HPCAL1: variants seen among roughly 807,000 people sequenced by gnomAD.
HPCAL1 encodes hippocalcin like 1.
A neutral mutation model predicts 17.1 loss-of-function variants in HPCAL1; 8 were observed. The ratio of observed to expected loss-of-function variants is 0.47; its 90% confidence interval spans 0.27 to 0.84. The LOEUF is 0.84. Ranked by LOEUF, HPCAL1 falls within the 40% of genes least tolerant of loss-of-function variation. HPCAL1 has a pLI of 0.13. For missense variants in HPCAL1, 165 were observed against 271.1 expected (o/e 0.61, Z 2.75); for synonymous variants, 112 against 111.4 (o/e 1.01, Z -0.03).
At chr2:10,406,111 G>A (rs775088391) in intron 2 of HPCAL1, among the ~76,000 whole-genome samples, 2 of 152,128 alleles carry the variant, frequency 1.3e-5, no homozygotes, top group Admixed American at 6.5e-5. Context: ...GTCATGCTCC[G>A]CGCTAATTCC....
chr2:10,320,482 G>T (rs187894040), intron 1 of HPCAL1, among the ~76,000 whole-genome samples: 303 of 152,280 alleles, frequency 2.0e-3, no homozygotes, highest in Non-Finnish European at 3.6e-3. Context: ...TGTCCCTTCT[G>T]ACGTGATTGT....
chr2:10,410,805 TGGCTTTCTGTCTCTGCAGAAA>T (rs1184419649), intron 2 of HPCAL1, among the ~76,000 whole-genome samples: 14 of 152,118 alleles, frequency 9.2e-5, no homozygotes, highest in Non-Finnish European at 2.1e-4. Flanking sequence ...ACGTGAGTGG[TGGCTTTCTGTCTCTGCAGAAA>T]GGCTTGCTTT....
chr2:10,410,085 C>T (rs548499757), intron 2 of HPCAL1, among the ~76,000 whole-genome samples: 3 of 152,138 alleles, frequency 2.0e-5, no homozygotes, highest in Non-Finnish European at 2.9e-5. Flanking sequence ...CACGGCGCCC[C>T]GGCCAGCCTG....
chr2:10,400,278 C>A lies in HPCAL1; in HGVS notation c.-25+3358C>A, dbSNP rs147508061. On this transcript the variant is annotated intron_variant, in intron 2 of 4. Coordinates refer to ENST00000307845, the MANE Select transcript of HPCAL1 (RefSeq NM_002149.4). ...CCCCGACCGCTGAGGAAGACAGGTG[C>A]GAGCAGCATCTCGGCACAGCCAGAC... Among the ~76,000 whole-genome samples, 352 of 152,302 alleles carry A rather than the reference C, an allele frequency of 2.3e-3. 1 individual carries two copies. Among genetic ancestry groups the A allele is most frequent in the African/African-American group, 7.9e-3 (327 of 41,560 alleles).
In HPCAL1 at chr2:10,362,319, C is replaced by T. The variant is rs763346815; in HGVS notation, c.-110-34516C>T. ...AGTCCTGGAGTGGCAGCATGGGGGG[C>T]GGGGGCAGGAGCATGGGGGACAACA... On this transcript the variant is annotated intron_variant, in intron 1 of 4. Transcript: ENST00000307845. This position sits in a 1 kb window ranked among gnomAD's most constrained non-coding sequence, Gnocchi z 5.0. 5.4e-5 allele frequency among the ~76,000 whole-genome samples: 8 copies of T among 149,448 alleles called. No homozygotes were observed. The highest frequency in any genetic ancestry group is 2.7e-4 in the Admixed American group (4 of 14,964).
At chr2:10,381,704 G>T (rs1045524533) in intron 1 of HPCAL1, among the ~76,000 whole-genome samples, 1 of 152,188 alleles carries the variant, frequency 6.6e-6, no homozygotes, top group Non-Finnish European at 1.5e-5. Flanking sequence ...ACAAATGGCT[G>T]TCAGGGAATT....
chr2:10,351,248 T>C (rs1259115084), intron 1 of HPCAL1, among the ~76,000 whole-genome samples: 3 of 152,252 alleles, frequency 2.0e-5, no homozygotes, highest in Admixed American at 6.5e-5. Context: ...TTGAGATTCA[T>C]GCTACAACAT....
intron 3 of HPCAL1, 91 bp from the exon 4 acceptor site, chr2:10,422,892 G>T: frequency 2.3e-6 from 2 of 869,770 alleles, no homozygotes; most frequent in South Asian, 1.5e-5. Flanking sequence ...ACCTCTCCGA[G>T]CCTTGTTGTG....
At chr2:10,340,952 C>T (rs1665041578) in intron 1 of HPCAL1, among the ~76,000 whole-genome samples, 1 of 152,092 alleles carries the variant, frequency 6.6e-6, no homozygotes, top group African/African-American at 2.4e-5. Context: ...CACTTTTTTC[C>T]CTTCCTCATA....
chr2:10,420,459 G>A (rs1009302360), intron 3 of HPCAL1, among the ~76,000 whole-genome samples: 14 of 152,052 alleles, frequency 9.2e-5, no homozygotes, highest in African/African-American at 2.9e-4. Context: ...GCCTCCCAGA[G>A]TGCTAGAATG....
Position 10,342,808 on chromosome 2 carries a change from G to A in HPCAL1, c.-111+39631G>A, listed in dbSNP as rs1267772433. Reference sequence around the variant, plus strand: ...AGTAGCTACGCAGGATGCTCTGGCCGGCCTCTGAGGATTCTCTTCTTCTGT... The same window carrying A: ...AGTAGCTACGCAGGATGCTCTGGCCAGCCTCTGAGGATTCTCTTCTTCTGT... On this transcript the variant is annotated intron_variant, in intron 1 of 4. Transcript: ENST00000307845. The surrounding 1 kb of genome is among the most constrained non-coding windows in gnomAD (Gnocchi z 4.1). Among the ~76,000 whole-genome samples, 2 of 152,176 alleles carry A rather than the reference G, an allele frequency of 1.3e-5. No individual in the cohort carries two copies. The highest frequency in any genetic ancestry group is 2.4e-5 in the African/African-American group (1 of 41,454).
At chr2:10,338,547 C>T (rs1237679717) in intron 1 of HPCAL1, among the ~76,000 whole-genome samples, 4 of 152,062 alleles carry the variant, frequency 2.6e-5, no homozygotes, top group South Asian at 2.1e-4. Flanking sequence ...GCAGGTGTCA[C>T]GGAGCGGGAC....
At chr2:10,357,424 G>C (rs1666225112) in intron 1 of HPCAL1, among the ~76,000 whole-genome samples, 1 of 152,222 alleles carries the variant, frequency 6.6e-6, no homozygotes, top group Non-Finnish European at 1.5e-5. Context: ...TGCTGATGTG[G>C]GCCAGGGAAG....
Position 10,392,297 on chromosome 2 carries a change from T to A in HPCAL1, c.-110-4538T>A, listed in dbSNP as rs984022853. Among the ~76,000 whole-genome samples, 4 of 152,228 alleles carry A rather than the reference T, an allele frequency of 2.6e-5. 1 individual carries two copies. Among genetic ancestry groups the A allele is most frequent in the African/African-American group, 9.6e-5 (4 of 41,464 alleles). On this transcript the variant is annotated intron_variant, in intron 1 of 4. Transcript: ENST00000307845. ...CTCAAGCGATCCTCCCACCTTGGCC[T>A]CCCTTAGGGCTGGGATTACAGGTGC... is the stretch of plus-strand genomic sequence containing the variant.
At chr2:10,405,204 G>A (rs1669894754) in intron 2 of HPCAL1, among the ~76,000 whole-genome samples, 1 of 152,236 alleles carries the variant, frequency 6.6e-6, no homozygotes, top group Non-Finnish European at 1.5e-5. Flanking sequence ...AGAGCCCCCA[G>A]CAGGGCCCCT....
intron 1 of HPCAL1, among the ~76,000 whole-genome samples, chr2:10,329,758 C>T (rs1664241047): frequency 6.6e-6 from 1 of 152,262 alleles, no homozygotes; most frequent in Non-Finnish European, 1.5e-5. Context: ...GGCCCAGATC[C>T]TGGGCTCCAG....
intron 2 of HPCAL1, among the ~76,000 whole-genome samples, chr2:10,406,714 C>T (rs557190295): frequency 3.3e-5 from 5 of 152,368 alleles, no homozygotes; most frequent in Non-Finnish European, 7.3e-5. Flanking sequence ...CTCTGCTCCC[C>T]GCCTGGCATC....
At chr2:10,389,834 C>T (rs4669581) in intron 1 of HPCAL1, among the ~76,000 whole-genome samples, 11,854 of 152,234 alleles carry the variant, frequency 0.078, 802 homozygotes, top group East Asian at 0.37. Context: ...ACAAATTGTG[C>T]AGCTCTGAGT....
intron 1 of HPCAL1, among the ~76,000 whole-genome samples, chr2:10,356,585 C>T (rs952646608): frequency 2.0e-5 from 3 of 152,120 alleles, no homozygotes; most frequent in Non-Finnish European, 2.9e-5. Flanking sequence ...ACCGGTCCTA[C>T]GTATAAGGTG....
Sources: allele counts gnomAD v4.1 joint callset (sites outside exome capture counted in the v4.1 genomes callset), GRCh38; gene constraint gnomAD v4.1.1; non-coding constraint Gnocchi (gnomAD v3.1); transcripts MANE v1.5; gene names NCBI Gene and HGNC (gene_info 2026-07-23, HGNC 2026-07-21).